The following ROBO2 variants were observed in gnomAD, a reference collection of about 807,000 sequenced individuals.
ROBO2 encodes roundabout guidance receptor 2, also known as roundabout homolog 2.
Under a neutral mutation model 160.8 loss-of-function variants are expected in ROBO2, and 53 were observed. That is an observed-to-expected ratio of 0.33 (90% confidence interval 0.26 to 0.41). The LOEUF (loss-of-function observed/expected upper bound fraction) is 0.41. Among genes scored for constraint, ROBO2 ranks in the 10% least tolerant of loss-of-function variants. The probability of loss-of-function intolerance (pLI) is 1.00; values close to 1 mark genes in which losing one functional copy is unlikely to be tolerated. For missense variants in ROBO2, 1,577 were observed against 1,722.4 expected (o/e 0.92, Z 1.49); for synonymous variants, 664 against 611.7 (o/e 1.09, Z -1.26).
chr3:76,318,207 T>C (rs2072207000), intron 2 of ROBO2, among the ~76,000 whole-genome samples: 1 of 152,110 alleles, frequency 6.6e-6, no homozygotes, highest in African/African-American at 2.4e-5. Flanking sequence ...TCTTTGAATT[T>C]TACTTACAAA....
intron 6 of ROBO2, among the ~76,000 whole-genome samples, chr3:77,529,859 T>A (rs909655276): frequency 1.3e-5 from 2 of 151,926 alleles, no homozygotes; most frequent in East Asian, 1.9e-4. Context: ...CTATTAATTT[T>A]AAAAACTGAA....
At chr3:76,273,684 A>T (rs1707745516) in intron 2 of ROBO2, among the ~76,000 whole-genome samples, 1 of 152,020 alleles carries the variant, frequency 6.6e-6, no homozygotes, top group Non-Finnish European at 1.5e-5. Context: ...ATGAGAACTC[A>T]CTCACCATCA....
intron 2 of ROBO2, among the ~76,000 whole-genome samples, chr3:77,029,708 C>A (rs2063194146): frequency 6.6e-6 from 1 of 151,944 alleles, no homozygotes. Context: ...TTGATATGAT[C>A]CTTATTATAC....
At chr3:75,912,232 T>G (rs1211430106) in intron 1 of ROBO2, among the ~76,000 whole-genome samples, 3 of 152,210 alleles carry the variant, frequency 2.0e-5, no homozygotes, top group African/African-American at 7.2e-5. Flanking sequence ...GGGAAATATT[T>G]ACACCACAAA....
At chr3:76,294,573 C>A (rs1708974121) in intron 2 of ROBO2, among the ~76,000 whole-genome samples, 1 of 152,108 alleles carries the variant, frequency 6.6e-6, no homozygotes, top group African/African-American at 2.4e-5. Flanking sequence ...TCTTTTGTAT[C>A]CTAGAGCCAA....
At chr3:77,414,166 G>A (rs979730813) in intron 2 of ROBO2, among the ~76,000 whole-genome samples, 4 of 152,138 alleles carry the variant, frequency 2.6e-5, no homozygotes, top group African/African-American at 9.7e-5. Flanking sequence ...TTGGCCAAAT[G>A]AACTAAATAT....
chr3:77,619,935 C>G (rs369502614), intron 22 of ROBO2, among the ~76,000 whole-genome samples: 17 of 152,156 alleles, frequency 1.1e-4, no homozygotes, highest in African/African-American at 4.1e-4. Flanking sequence ...TGTATATTAG[C>G]TGTTATTAGT....
chr3:76,232,585 C>G (rs543175330), intron 2 of ROBO2, among the ~76,000 whole-genome samples: 1 of 152,310 alleles, frequency 6.6e-6, no homozygotes, highest in South Asian at 2.1e-4. Flanking sequence ...GGTCACATAT[C>G]AGAAACAGTC....
intron 2 of ROBO2, among the ~76,000 whole-genome samples, chr3:77,236,991 A>T (rs2088093865): frequency 6.6e-6 from 1 of 152,038 alleles, no homozygotes. Flanking sequence ...CCCCAACTCC[A>T]GACACTGGAG....
At chr3:77,200,793 T>C (rs1049205207) in intron 2 of ROBO2, among the ~76,000 whole-genome samples, 3 of 152,208 alleles carry the variant, frequency 2.0e-5, no homozygotes, top group Non-Finnish European at 4.4e-5. Flanking sequence ...TACCAGTAAC[T>C]GGAGGGCTGA....
chr3:76,905,089 C>T (rs1027160241), intron 2 of ROBO2, among the ~76,000 whole-genome samples: 9 of 152,064 alleles, frequency 5.9e-5, no homozygotes, highest in African/African-American at 1.7e-4. Flanking sequence ...TTCAGAGTTT[C>T]GCTTAATTTC....
intron 2 of ROBO2, among the ~76,000 whole-genome samples, chr3:76,334,236 T>C (rs1184328948): frequency 6.6e-6 from 1 of 152,230 alleles, no homozygotes; most frequent in Non-Finnish European, 1.5e-5. Context: ...ACATCAGTTA[T>C]CTTGTTTAAT....
At chr3:76,433,064 A>C (rs1220822000) in intron 2 of ROBO2, among the ~76,000 whole-genome samples, 1 of 152,160 alleles carries the variant, frequency 6.6e-6, no homozygotes, top group Non-Finnish European at 1.5e-5. Flanking sequence ...CAAAGTGCCA[A>C]TCTTTTTTCC....
rs75368015 is a variant in ROBO2, at chr3:76,965,303, G to A, written c.110-132711G>A. 2.8e-3 allele frequency among the ~76,000 whole-genome samples: 426 copies of A among 152,294 alleles called. 1 individual carries two copies. Among genetic ancestry groups the A allele is most frequent in the African/African-American group, 9.8e-3 (408 of 41,558 alleles). On this transcript the variant is annotated intron_variant, in intron 2 of 26. Transcript: ENST00000487694. ...GTGGACGGAGAGGAGCTGTGCTTTCGCAAGCTGACCTCTGGAACTGAAATA... is the reference window on the plus strand; with the variant it reads ...GTGGACGGAGAGGAGCTGTGCTTTCACAAGCTGACCTCTGGAACTGAAATA...
intron 2 of ROBO2, among the ~76,000 whole-genome samples, chr3:76,838,740 C>T (rs772114497): frequency 1.3e-5 from 2 of 151,920 alleles, no homozygotes; most frequent in Non-Finnish European, 2.9e-5. Flanking sequence ...GTAAGGGCTC[C>T]GAAAGTGGAA....
At chr3:76,359,533 T>C (rs1230991935) in intron 2 of ROBO2, among the ~76,000 whole-genome samples, 1 of 152,072 alleles carries the variant, frequency 6.6e-6, no homozygotes, top group Non-Finnish European at 1.5e-5. Flanking sequence ...TCGCTGGACA[T>C]GTGATCCTTT....
intron 2 of ROBO2, among the ~76,000 whole-genome samples, chr3:76,817,091 G>A (rs2065733646): frequency 6.6e-6 from 1 of 152,012 alleles, no homozygotes; most frequent in Admixed American, 6.6e-5. Context: ...GGACAAGGGA[G>A]GGATAGCACT....
chr3:77,263,706 G>C (rs1441615083), intron 2 of ROBO2, among the ~76,000 whole-genome samples: 1 of 152,196 alleles, frequency 6.6e-6, no homozygotes, highest in East Asian at 1.9e-4. Context: ...TTGAGTTGCA[G>C]TGAACATGAG....
At position 76,969,606 on chromosome 3, in the gene ROBO2, T is replaced by G. The variant is rs549160782; in HGVS notation, c.110-128408T>G. On this transcript the variant is annotated intron_variant, in intron 2 of 26. Coordinates refer to the ROBO2 transcript ENST00000487694. ...ATTCAGCCTCAATTGTATATCCTCG[T>G]CTGGCCACATGCTGGTTTTCTCTCT... Among the ~76,000 whole-genome samples the G allele has an allele frequency of 1.1e-4, 16 of 152,312 alleles. No homozygotes were observed. The South Asian group carries it at 3.3e-3, about 32-fold the overall frequency.
Sources: allele counts gnomAD v4.1 joint callset (sites outside exome capture counted in the v4.1 genomes callset), GRCh38; gene constraint gnomAD v4.1.1; transcripts MANE v1.5; gene names NCBI Gene and HGNC (gene_info 2026-07-23, HGNC 2026-07-21).